The following PLXDC2 variants were observed in gnomAD, a reference collection of about 807,000 sequenced individuals.
PLXDC2 encodes plexin domain-containing protein 2.
Under a neutral mutation model 68.9 loss-of-function variants are expected in PLXDC2, and 40 were observed. The ratio of observed to expected loss-of-function variants is 0.58; its 90% CI spans 0.45 to 0.76. PLXDC2 has a LOEUF of 0.76. PLXDC2 is among the 30% of genes least tolerant of loss of function. The probability of loss-of-function intolerance (pLI) is 0.00; values close to 1 mark genes in which losing one functional copy is unlikely to be tolerated. For missense variants in PLXDC2, 644 were observed against 661.9 expected (o/e 0.97, Z 0.30); for synonymous variants, 243 against 234.2 (o/e 1.04, Z -0.34).
chr10:20,118,603 C>T (rs1424255673), intron 4 of PLXDC2, among the ~76,000 whole-genome samples: 1 of 152,102 alleles, frequency 6.6e-6, no homozygotes, highest in Non-Finnish European at 1.5e-5. Flanking sequence ...TAATCCAAAA[C>T]CGGTCCCAGG....
intron 1 of PLXDC2, among the ~76,000 whole-genome samples, chr10:19,864,808 C>T (rs939598793): frequency 6.6e-6 from 1 of 152,128 alleles, no homozygotes. Flanking sequence ...AGGAAAACAA[C>T]TCAGGAAGGA....
At chr10:20,229,018 CA>C (rs1205552979) in intron 12 of PLXDC2, among the ~76,000 whole-genome samples, 1 of 152,088 alleles carries the variant, frequency 6.6e-6, no homozygotes, top group African/African-American at 2.4e-5. Flanking sequence ...TCCACAAGGA[CA>C]GACTGCTTTT....
At chr10:20,279,191 T>C (rs1037889500) in intron 13 of PLXDC2, among the ~76,000 whole-genome samples, 1 of 152,158 alleles carries the variant, frequency 6.6e-6, no homozygotes, top group South Asian at 2.1e-4. Context: ...TATTAAGTGA[T>C]ATTTCTTTTA....
At chr10:20,104,591 C>T (rs940544292) in intron 4 of PLXDC2, among the ~76,000 whole-genome samples, 1 of 152,108 alleles carries the variant, frequency 6.6e-6, no homozygotes, top group Non-Finnish European at 1.5e-5. Flanking sequence ...TGTAGGTATC[C>T]ATTGCTGTTA....
At chr10:19,873,406 C>CTTTT (rs1049862345) in intron 1 of PLXDC2, among the ~76,000 whole-genome samples, 24 of 115,662 alleles carry the variant, frequency 2.1e-4, no homozygotes, top group Non-Finnish European at 3.2e-4. Context: ...TCTTCTTCGT[C>CTTTT]TTTTTTTTTT....
chr10:20,264,712 A>T (rs945568959), intron 13 of PLXDC2, among the ~76,000 whole-genome samples: 1 of 152,104 alleles, frequency 6.6e-6, no homozygotes, highest in Non-Finnish European at 1.5e-5. Context: ...AAGGTTTAAA[A>T]GTAGATTTTT....
At chr10:20,003,256 AT>A (rs1834972208) in intron 2 of PLXDC2, among the ~76,000 whole-genome samples, 1 of 152,304 alleles carries the variant, frequency 6.6e-6, no homozygotes, top group Admixed American at 6.5e-5. Context: ...AACAGAGGTG[AT>A]TTATCCAGTT....
intron 4 of PLXDC2, among the ~76,000 whole-genome samples, chr10:20,105,809 A>G (rs1225651960): frequency 6.6e-6 from 1 of 152,164 alleles, no homozygotes; most frequent in Non-Finnish European, 1.5e-5. Flanking sequence ...TCAGAGCCAC[A>G]CTCGGTACAA....
chr10:19,819,290 A>C lies in PLXDC2; in HGVS notation c.112+2099A>C, dbSNP rs78519462. ...ATTGATTTTTAAAAGAATGGTTTTA[A>C]ATTCCTTGCCAAATTTTCGAAGACT... On this transcript the variant is annotated intron_variant, in intron 1 of 13. Transcript: ENST00000377252. Among the ~76,000 whole-genome samples the C allele has an allele frequency of 9.2e-5, 14 of 152,364 alleles. No homozygotes were observed. In the East Asian group the frequency reaches 1.7e-3, roughly 19 times the overall value.
intron 1 of PLXDC2, among the ~76,000 whole-genome samples, chr10:19,934,865 A>G (rs988397350): frequency 2.6e-5 from 4 of 151,946 alleles, no homozygotes; most frequent in Admixed American, 2.0e-4. Flanking sequence ...TCTTTCACTA[A>G]GGTGAAACAG....
intron 3 of PLXDC2, among the ~76,000 whole-genome samples, chr10:20,050,062 C>G (rs147720821): frequency 1.1e-3 from 170 of 152,194 alleles, no homozygotes; most frequent in African/African-American, 4.0e-3. Context: ...GGCCACATAC[C>G]TATGACCATC....
chr10:20,178,654 G>T (rs1231384547), intron 9 of PLXDC2, among the ~76,000 whole-genome samples: 2 of 152,018 alleles, frequency 1.3e-5, no homozygotes, highest in African/African-American at 2.4e-5. Flanking sequence ...ACATGCTCCA[G>T]GAATACTTTA....
rs11349156 is a variant in PLXDC2, at chr10:20,189,008, G to GT, written c.1061+11609dup. Among the ~76,000 whole-genome samples, 20 of 118,172 alleles carry GT rather than the reference G, an allele frequency of 1.7e-4. 1 individual carries two copies. Among genetic ancestry groups the GT allele is most frequent in the East Asian group, 6.0e-4 (3 of 5,022 alleles). The allele number at this position is 118,172 out of a possible 152,430, so 77.5% of individuals were successfully genotyped here. A position where few individuals can be genotyped will look rare whatever the true frequency, so the allele number is the denominator to read the frequency against. The stretch of plus-strand genomic sequence containing the variant: ...TTTAGTACAAGACCTTTTATAATCA[G>GT]TTTTTTTTTTCAAATTTTAATGAAG... On this transcript the variant is annotated intron_variant, in intron 9 of 13. Coordinates refer to ENST00000377252, the MANE Select transcript of PLXDC2 (RefSeq NM_032812.9).
chr10:20,059,096 C>G (rs12356478), intron 3 of PLXDC2, among the ~76,000 whole-genome samples: 6,607 of 152,156 alleles, frequency 0.043, 165 homozygotes, highest in South Asian at 0.074. Flanking sequence ...TAACAAGAAC[C>G]CTAGGTGATT....
intron 13 of PLXDC2, among the ~76,000 whole-genome samples, chr10:20,260,295 A>G (rs993838930): frequency 6.6e-6 from 1 of 152,174 alleles, no homozygotes; most frequent in African/African-American, 2.4e-5. Flanking sequence ...AAATCTCTAG[A>G]CTTATTTGTC....
intron 1 of PLXDC2, among the ~76,000 whole-genome samples, chr10:19,921,695 A>G (rs1036748759): frequency 6.6e-6 from 1 of 152,176 alleles, no homozygotes; most frequent in Non-Finnish European, 1.5e-5. Context: ...GAGGCTACAC[A>G]GGGCTACAGG....
chr10:20,260,374 C>T (rs77147728), intron 13 of PLXDC2, among the ~76,000 whole-genome samples: 2,241 of 152,266 alleles, frequency 0.015, 48 homozygotes, highest in African/African-American at 0.047. Context: ...CCCTGCTCTG[C>T]CCCTGGTAAC....
intron 1 of PLXDC2, among the ~76,000 whole-genome samples, chr10:19,966,481 A>G (rs1240641081): frequency 7.0e-5 from 1 of 14,280 alleles, no homozygotes; most frequent in African/African-American, 5.4e-4. Context: ...AGATGAGTAG[A>G]CCAATGCAGC....
intron 4 of PLXDC2, among the ~76,000 whole-genome samples, chr10:20,142,785 C>A (rs937175725): frequency 4.0e-5 from 6 of 151,680 alleles, no homozygotes; most frequent in Non-Finnish European, 8.8e-5. Flanking sequence ...GGTGTTTAGC[C>A]CCCTTTCAAC....
Sources: gnomAD v4.1 joint callset for allele counts (sites outside exome capture counted in the v4.1 genomes callset) on GRCh38, gnomAD v4.1.1 for gene constraint, MANE v1.5 for transcripts, NCBI Gene and HGNC (gene_info 2026-07-23, HGNC 2026-07-21) for gene names.